Variants in NAA35 observed in about 807,000 individuals in gnomAD.
NAA35 encodes the protein N-alpha-acetyltransferase 35, NatC auxiliary subunit.
Under a neutral mutation model 101.7 loss-of-function variants are expected in NAA35, and 18 were observed. The ratio of observed to expected loss-of-function variants is 0.18; its 90% CI spans 0.12 to 0.26. NAA35 has a LOEUF of 0.26. Among genes scored for constraint, NAA35 ranks in the 10% least tolerant of loss-of-function variants. NAA35 has a pLI of 1.00. For missense variants in NAA35, 601 were observed against 886.8 expected, an observed-to-expected ratio of 0.68 and a Z score of 4.09; for synonymous variants, 267 against 273.1, an observed-to-expected ratio of 0.98 and a Z score of 0.22.
At chr9:86,016,798 A>G in intron 18 of NAA35, 123 bp downstream of exon 18, 3 of 966,536 alleles carry the variant, frequency 3.1e-6, no homozygotes, top group Non-Finnish European at 3.0e-6. Context: ...TTCAGAAACT[A>G]TAAGGTAGAG....
intron 11 of NAA35, among the ~76,000 whole-genome samples, chr9:85,983,261 C>T (rs1051588736): frequency 5.3e-5 from 8 of 152,154 alleles, no homozygotes; most frequent in Non-Finnish European, 1.0e-4. Context: ...CTCCTCTCCT[C>T]GCTCCACTCG....
At chr9:86,014,775 A>T (rs966896949) in intron 17 of NAA35, among the ~76,000 whole-genome samples, 3 of 152,208 alleles carry the variant, frequency 2.0e-5, no homozygotes, top group Non-Finnish European at 4.4e-5. Context: ...TGAAAACTGA[A>T]TTTGAGCATC....
intron 12 of NAA35, among the ~76,000 whole-genome samples, chr9:85,999,242 T>C (rs1294376977): frequency 6.6e-6 from 1 of 152,224 alleles, no homozygotes; most frequent in African/African-American, 2.4e-5. Context: ...ATTAGATGAC[T>C]ATAGTAGCAT....
At chr9:85,993,992 T>C (rs901176339) in intron 11 of NAA35, among the ~76,000 whole-genome samples, 1 of 150,992 alleles carries the variant, frequency 6.6e-6, no homozygotes, top group Non-Finnish European at 1.5e-5. Flanking sequence ...TTTTTTTTTG[T>C]AGTGACTGGG....
At chr9:85,959,906 T>C in intron 5 of NAA35, 39 bp downstream of exon 5, 1 of 1,437,052 alleles carries the variant, frequency 7.0e-7, no homozygotes, top group East Asian at 2.3e-5. Flanking sequence ...ATTTTAAAAC[T>C]GTGACTTACC....
intron 1 of NAA35, chr9:85,941,758 T>G (rs1480317432): frequency 3.0e-6 from 3 of 990,020 alleles, no homozygotes; most frequent in Admixed American, 1.2e-4. Flanking sequence ...CTTGATTGAC[T>G]TCGGTAGCTG....
chr9:85,987,844 T>G (rs140963667), intron 11 of NAA35, among the ~76,000 whole-genome samples: 333 of 152,338 alleles, frequency 2.2e-3, no homozygotes, highest in Non-Finnish European at 3.9e-3. Context: ...GACAGTGTTC[T>G]CACAAGAAGT....
intron 21 of NAA35, 98 bp downstream of exon 21, chr9:86,018,919 G>A: frequency 7.0e-7 from 1 of 1,435,116 alleles, no homozygotes. Flanking sequence ...AACTTTAATA[G>A]TGTTAGTGAA....
chr9:86,021,506 C>T lies in NAA35; in HGVS notation c.2119-395C>T, dbSNP rs896886177. Among the ~76,000 whole-genome samples the T allele has an allele frequency of 2.6e-5, 4 of 151,932 alleles. No individual in the cohort carries two copies. The East Asian group carries it at 5.8e-4, about 22-fold the overall frequency. On this transcript the variant is annotated intron_variant, in intron 22 of 22. Transcript: ENST00000361671. ...TTCTTCCATTGTTTCCTGTGATCTG[C>T]CTTCCTCCTCTCCTGCCCTGGTTTC...
At position 86,022,288 on chromosome 9, in the gene NAA35, C is replaced by CAAA; in HGVS notation, c.*336_*338dup. 6.0e-6 allele frequency: 1 copy of CAAA among 166,486 alleles called. No homozygotes were observed. Among genetic ancestry groups the CAAA allele is most frequent in the East Asian group, 1.6e-4 (1 of 6,086 alleles). 10.3% of individuals were successfully genotyped at this position (166,486 alleles called of 1,614,324 possible). A position where few individuals can be genotyped will look rare whatever the true frequency, so the allele number is the denominator to read the frequency against. On this transcript the variant is annotated 3_prime_UTR_variant, in exon 23 of 23. Coordinates refer to ENST00000361671, the MANE Select transcript of NAA35 (RefSeq NM_024635.4). ...TTATAAAGGTTAATAAATTTCTTGA[C>CAAA]AAAAAAAAAATGCACTGCTGGAGAT...
At chr9:85,948,765 A>AT (rs544055976) in intron 2 of NAA35, among the ~76,000 whole-genome samples, 182 of 150,480 alleles carry the variant, frequency 1.2e-3, no homozygotes, top group Middle Eastern at 0.01. Flanking sequence ...ATTTTATTTT[A>AT]TTTTTTTTTG....
chr9:85,949,152 C>T (rs1828893727), intron 2 of NAA35, among the ~76,000 whole-genome samples: 1 of 152,178 alleles, frequency 6.6e-6, no homozygotes, highest in Non-Finnish European at 1.5e-5. Flanking sequence ...TTTGATGCTT[C>T]AGTTCTAGGA....
At chr9:86,009,390 C>T (rs1831799162) in intron 14 of NAA35, among the ~76,000 whole-genome samples, 1 of 152,040 alleles carries the variant, frequency 6.6e-6, no homozygotes, top group Non-Finnish European at 1.5e-5. Flanking sequence ...TAAAGGAAAC[C>T]ACTTTGTGAG....
chr9:86,018,371 G>A lies in NAA35; in HGVS notation c.1890G>A (p.Pro630=), dbSNP rs767588780. 6.8e-6 allele frequency: 11 copies of A among 1,613,344 alleles called. No individual in the cohort carries two copies. Among genetic ancestry groups the A allele is most frequent in the Middle Eastern group, 1.7e-4 (1 of 6,058 alleles). Residue 630 remains proline, a synonymous_variant, in exon 20 of 23, where the codon CCG becomes CCA. Transcript: ENST00000361671. ...CATTCAACAGTGTGATGACCCCGCCGCCAGTGCACTACTTACAGTTCAAGG... is the reference window on the plus strand; with the variant it reads ...CATTCAACAGTGTGATGACCCCGCCACCAGTGCACTACTTACAGTTCAAGG... ...FAPFNSVMTP[P]PVHYLQFKEM...
chr9:86,020,790 A>G lies in NAA35; in HGVS notation c.2038-99A>G, dbSNP rs535374681. On this transcript the variant is annotated intron_variant, in intron 21 of 22. Transcript: ENST00000361671. ...GGCTTCAGTGAGCCGTGTTCTTACC[A>G]CTGTACTCCAGCCTGGGTTGACAGC... The G allele has an allele frequency of 1.1e-4, 86 of 818,184 alleles. 1 individual carries two copies. The South Asian group carries it at 1.4e-3, about 13-fold the overall frequency. 50.7% of individuals were successfully genotyped at this position (818,184 alleles called of 1,614,324 possible). A position where few individuals can be genotyped will look rare whatever the true frequency, so the allele number is the denominator to read the frequency against.
At chr9:86,018,884 T>C in intron 21 of NAA35, 63 bp downstream of exon 21, 3 of 1,565,522 alleles carry the variant, frequency 1.9e-6, no homozygotes, top group Non-Finnish European at 2.6e-6. Flanking sequence ...CTCTTACTGC[T>C]GGATGAAAGT....
chr9:86,004,982 T>A (rs1416982130), intron 13 of NAA35, among the ~76,000 whole-genome samples: 1 of 152,234 alleles, frequency 6.6e-6, no homozygotes, highest in African/African-American at 2.4e-5. Flanking sequence ...AGAACACTCA[T>A]ATGAGCCAGA....
intron 12 of NAA35, among the ~76,000 whole-genome samples, chr9:86,003,008 A>T (rs1436685218): frequency 6.8e-6 from 1 of 146,844 alleles, no homozygotes; most frequent in Non-Finnish European, 1.5e-5. Context: ...AGTACAGTCA[A>T]TAGACTTCTT....
rs1472137994 is a variant in NAA35, at chr9:85,942,315, A to C, written c.124+32A>C. On this transcript the variant is annotated intron_variant, in intron 2 of 22. Coordinates refer to ENST00000361671, the MANE Select transcript of NAA35 (RefSeq NM_024635.4). ...CTGATTTTTGGATTAGAAGTTCAGC[A>C]TCTGGAAGGGGTAGAATGACGATTG... The C allele has an allele frequency of 4.3e-6, 7 of 1,610,154 alleles. No individual in the cohort carries two copies. The Middle Eastern group carries it at 5.0e-4, about 114-fold the overall frequency.
Sources: allele counts gnomAD v4.1 joint callset (sites outside exome capture counted in the v4.1 genomes callset), GRCh38; gene constraint gnomAD v4.1.1; transcripts MANE v1.5; gene names NCBI Gene and HGNC (gene_info 2026-07-23, HGNC 2026-07-21).